The following CADPS2 variants were observed in gnomAD, a reference collection of about 807,000 sequenced individuals.
CADPS2 encodes the protein calcium dependent secretion activator 2, also known as calcium-dependent secretion activator 2.
In CADPS2, 93 loss-of-function variants were observed where a neutral mutation model predicts 172.5. The ratio of observed to expected loss-of-function variants is 0.54; its 90% CI spans 0.46 to 0.64. The LOEUF (loss-of-function observed/expected upper bound fraction) is 0.64, where lower values mean the gene tolerates loss of function less well. Ranked by LOEUF, CADPS2 falls within the 30% of genes least tolerant of loss-of-function variation. The pLI is 0.00. For synonymous variants in CADPS2, 546 were observed against 555.2 expected (o/e 0.98, Z 0.23); for missense variants, 1,420 against 1,565.9 (o/e 0.91, Z 1.57).
intron 9 of CADPS2, among the ~76,000 whole-genome samples, chr7:122,508,675 A>T (rs1586730760): frequency 6.6e-6 from 1 of 151,802 alleles, no homozygotes; most frequent in Non-Finnish European, 1.5e-5. Flanking sequence ...TCATGGATAT[A>T]TTTTTAAAGG....
chr7:122,405,345 G>C (rs1394877257), intron 20 of CADPS2, among the ~76,000 whole-genome samples: 1 of 152,096 alleles, frequency 6.6e-6, no homozygotes, highest in Non-Finnish European at 1.5e-5. Flanking sequence ...CTAGCTGGCA[G>C]GAAGGAAACA....
chr7:122,463,065 C>G (rs1290261167), intron 14 of CADPS2, among the ~76,000 whole-genome samples: 1 of 152,108 alleles, frequency 6.6e-6, no homozygotes, highest in African/African-American at 2.4e-5. Flanking sequence ...GTCATAACCC[C>G]ACAGATCAAA....
chr7:122,545,981 T>TA (rs1196996645), intron 8 of CADPS2, among the ~76,000 whole-genome samples: 2 of 152,166 alleles, frequency 1.3e-5, no homozygotes, highest in Non-Finnish European at 2.9e-5. Context: ...TTTTTTTAAG[T>TA]AACAAGCCGA....
chr7:122,402,603 A>G (rs1468341936), intron 20 of CADPS2, among the ~76,000 whole-genome samples: 1 of 152,212 alleles, frequency 6.6e-6, no homozygotes, highest in Non-Finnish European at 1.5e-5. Flanking sequence ...TCAGCTATAA[A>G]GTTTTCAAGC....
intron 28 of CADPS2, chr7:122,330,986 A>C (rs2034843225): frequency 6.6e-6 from 1 of 152,182 alleles, no homozygotes; most frequent in Non-Finnish European, 1.5e-5. Context: ...AAATACTGTG[A>C]GTTTAAATTT....
At chr7:122,773,522 C>T (rs375290968) in intron 1 of CADPS2, among the ~76,000 whole-genome samples, 5 of 151,902 alleles carry the variant, frequency 3.3e-5, no homozygotes, top group African/African-American at 1.2e-4. Flanking sequence ...GTGCATTAAA[C>T]ACTATGAAAC....
chr7:122,701,601 TAAATA>T (rs2086107595), intron 2 of CADPS2: 2 of 304,484 alleles, frequency 6.6e-6, no homozygotes, highest in Admixed American at 9.3e-5. Flanking sequence ...AAAAAATAAA[TAAATA>T]AAATAAAATT....
At chr7:122,786,796 C>T (rs1334619503) in intron 1 of CADPS2, among the ~76,000 whole-genome samples, 4 of 151,940 alleles carry the variant, frequency 2.6e-5, no homozygotes, top group Non-Finnish European at 5.9e-5. Context: ...CTTATTTGGT[C>T]GTGCTTTGTT....
chr7:122,560,000 ATTGTTGGG>A (rs963226137), intron 7 of CADPS2, among the ~76,000 whole-genome samples: 1 of 152,000 alleles, frequency 6.6e-6, no homozygotes, highest in African/African-American at 2.4e-5. Flanking sequence ...GAGGCTGCAC[ATTGTTGGG>A]TCTGAAAGGC....
chr7:122,363,953 G>T (rs1443171098), intron 25 of CADPS2, among the ~76,000 whole-genome samples: 2 of 152,140 alleles, frequency 1.3e-5, no homozygotes, highest in Non-Finnish European at 2.9e-5. Context: ...CTTTAAGTCA[G>T]AAAACCACTG....
chr7:122,467,574 T>C (rs1387442905), intron 14 of CADPS2, among the ~76,000 whole-genome samples: 1 of 152,230 alleles, frequency 6.6e-6, no homozygotes, highest in Non-Finnish European at 1.5e-5. Context: ...GTTGTACTCT[T>C]GTGCCCTGTA....
chr7:122,396,118 T>G (rs1483647219), intron 20 of CADPS2, among the ~76,000 whole-genome samples: 8 of 152,166 alleles, frequency 5.3e-5, no homozygotes, highest in Admixed American at 5.2e-4. Context: ...CTAGAACTAT[T>G]TTTTTAAACT....
At chr7:122,865,809 G>A (rs530258257) in intron 1 of CADPS2, among the ~76,000 whole-genome samples, 13 of 152,218 alleles carry the variant, frequency 8.5e-5, no homozygotes, top group Non-Finnish European at 1.6e-4. Flanking sequence ...ATAAGAATGT[G>A]AGAACATCTT....
At chr7:122,677,796 A>G (rs918143718) in intron 2 of CADPS2, among the ~76,000 whole-genome samples, 1 of 152,174 alleles carries the variant, frequency 6.6e-6, no homozygotes, top group Admixed American at 6.5e-5. Context: ...AAGTTCAGCA[A>G]TTTATCAATT....
intron 1 of CADPS2, among the ~76,000 whole-genome samples, chr7:122,834,489 A>C (rs1250675070): frequency 6.6e-6 from 1 of 152,070 alleles, no homozygotes; most frequent in Non-Finnish European, 1.5e-5. Context: ...GGGTGAGGCA[A>C]TGCCTCACCC....
chr7:122,356,850 T>C (rs2039470662), intron 27 of CADPS2, among the ~76,000 whole-genome samples: 1 of 152,172 alleles, frequency 6.6e-6, no homozygotes, highest in Non-Finnish European at 1.5e-5. Context: ...ATCTCCTTTC[T>C]GTTGCTACAA....
At chr7:122,519,710 C>A (rs916074513) in intron 8 of CADPS2, among the ~76,000 whole-genome samples, 1 of 151,874 alleles carries the variant, frequency 6.6e-6, no homozygotes, top group Non-Finnish European at 1.5e-5. Context: ...TTAGGTCACA[C>A]TGTATCATCA....
chr7:122,325,716 A>G (rs2033697391), intron 28 of CADPS2, 135 bp from the exon 29 acceptor site: 1 of 593,156 alleles, frequency 1.7e-6, no homozygotes, highest in Admixed American at 3.0e-5. Context: ...CTTGAAGTCA[A>G]TAATGCTATA....
chr7:122,784,014 G>A (rs1793434942), intron 1 of CADPS2, among the ~76,000 whole-genome samples: 1 of 151,986 alleles, frequency 6.6e-6, no homozygotes, highest in Non-Finnish European at 1.5e-5. Flanking sequence ...TCACTAAATT[G>A]GAAATTTTGT....
Sources: allele counts gnomAD v4.1 joint callset (sites outside exome capture counted in the v4.1 genomes callset), GRCh38; gene constraint gnomAD v4.1.1; transcripts MANE v1.5; gene names NCBI Gene and HGNC (gene_info 2026-07-23, HGNC 2026-07-21).